Variants in EIF4G3 observed in about 807,000 individuals in gnomAD.
EIF4G3 encodes eIF-4-gamma 3.
In EIF4G3, 34 loss-of-function variants were observed where a neutral mutation model predicts 186.4. The ratio of observed to expected loss-of-function variants is 0.18; its 90% CI spans 0.14 to 0.24. The LOEUF (loss-of-function observed/expected upper bound fraction) is 0.24, where lower values mean the gene tolerates loss of function less well. EIF4G3 is among the 10% of genes least tolerant of loss of function. The probability of loss-of-function intolerance (pLI) is 1.00; values close to 1 mark genes in which losing one functional copy is unlikely to be tolerated. For synonymous variants in EIF4G3, 673 were observed against 679.5 expected (o/e 0.99, Z 0.15); for missense variants, 1,536 against 1,948.5 (o/e 0.79, Z 3.99).
rs537540473 is a variant in EIF4G3, at chr1:20,840,031, G to A, written c.4061+825C>T. The stretch of plus-strand genomic sequence containing the variant: ...ATGTTAATCCAATGTCCAGACCTTA[G>A]GAGATCCTAGTTGCTATTCCCTTAG... On this transcript the variant is annotated intron_variant, in intron 30 of 36. Transcript: ENST00000602326. Among the ~76,000 whole-genome samples, 6 of 152,254 alleles carry A rather than the reference G, an allele frequency of 3.9e-5. No individual in the cohort carries two copies. In the South Asian group the frequency reaches 1.2e-3, roughly 32 times the overall value.
chr1:21,118,804 A>T (rs1362331437), intron 2 of EIF4G3, among the ~76,000 whole-genome samples: 2 of 151,428 alleles, frequency 1.3e-5, no homozygotes, highest in African/African-American at 4.8e-5. Context: ...AAAAAAAAGA[A>T]ACAGAAATGC....
intron 2 of EIF4G3, among the ~76,000 whole-genome samples, chr1:21,134,655 T>A (rs995223578): frequency 6.6e-6 from 1 of 151,950 alleles, no homozygotes; most frequent in Non-Finnish European, 1.5e-5. Flanking sequence ...GACGACCGAG[T>A]GAGACTCCAT....
chr1:20,931,025 G>A (rs1255018861), intron 14 of EIF4G3, among the ~76,000 whole-genome samples: 1 of 151,658 alleles, frequency 6.6e-6, no homozygotes, highest in Non-Finnish European at 1.5e-5. Flanking sequence ...ATGGCATCTA[G>A]AATGCTGAAA....
At chr1:21,141,826 G>C (rs1436626868) in intron 2 of EIF4G3, among the ~76,000 whole-genome samples, 1 of 151,942 alleles carries the variant, frequency 6.6e-6, no homozygotes, top group Admixed American at 6.6e-5. Context: ...AGCTACTAGA[G>C]AGGTTGAAGG....
At chr1:20,823,929 AAGTTG>A (rs2063000607) in intron 33 of EIF4G3, among the ~76,000 whole-genome samples, 1 of 152,178 alleles carries the variant, frequency 6.6e-6, no homozygotes, top group South Asian at 2.1e-4. Flanking sequence ...AAGGGGACCT[AAGTTG>A]AGGATGTTTC....
intron 12 of EIF4G3, among the ~76,000 whole-genome samples, chr1:20,957,318 T>A (rs1039083232): frequency 2.0e-5 from 3 of 151,870 alleles, no homozygotes; most frequent in Non-Finnish European, 4.4e-5. Context: ...GAAATCAAGA[T>A]GGAAAAATTA....
At chr1:21,044,250 A>G (rs2093746539) in intron 4 of EIF4G3, among the ~76,000 whole-genome samples, 1 of 152,144 alleles carries the variant, frequency 6.6e-6, no homozygotes, top group Non-Finnish European at 1.5e-5. Flanking sequence ...GTCAACAAAT[A>G]TTGTCATTAA....
At chr1:21,161,164 C>G (rs2097760879) in intron 2 of EIF4G3, among the ~76,000 whole-genome samples, 1 of 150,080 alleles carries the variant, frequency 6.7e-6, no homozygotes, top group South Asian at 2.1e-4. Flanking sequence ...GAGAGAGACT[C>G]CATCTCATAA....
intron 14 of EIF4G3, among the ~76,000 whole-genome samples, chr1:20,925,292 T>C (rs868247461): frequency 6.6e-6 from 1 of 152,216 alleles, no homozygotes; most frequent in African/African-American, 2.4e-5. Context: ...TATAATATCA[T>C]GTCAAAGGGA....
At chr1:21,120,574 C>T (rs993096492) in intron 2 of EIF4G3, among the ~76,000 whole-genome samples, 1 of 145,842 alleles carries the variant, frequency 6.9e-6, no homozygotes, top group Non-Finnish European at 1.5e-5. Flanking sequence ...TGCAGCGAGC[C>T]GAGATCACTA....
intron 2 of EIF4G3, chr1:21,161,657 CCAGT>C (rs1381028821): frequency 6.6e-6 from 1 of 152,112 alleles, no homozygotes. Flanking sequence ...AGAGATTCAA[CCAGT>C]CAGTGTAAAA....
chr1:20,984,892 T>C (rs1050402606), intron 7 of EIF4G3, among the ~76,000 whole-genome samples: 14 of 152,164 alleles, frequency 9.2e-5, no homozygotes, highest in African/African-American at 3.1e-4. Flanking sequence ...CCAGTCAACA[T>C]ATATGTTAAC....
intron 7 of EIF4G3, among the ~76,000 whole-genome samples, chr1:20,989,882 TAAAG>T (rs1287095927): frequency 6.6e-6 from 1 of 151,988 alleles, no homozygotes; most frequent in Non-Finnish European, 1.5e-5. Context: ...TTTCATGAAA[TAAAG>T]AGTCCACTGG....
At chr1:20,917,063 G>C (rs965407561) in intron 14 of EIF4G3, among the ~76,000 whole-genome samples, 1 of 152,004 alleles carries the variant, frequency 6.6e-6, no homozygotes, top group South Asian at 2.1e-4. Flanking sequence ...AACTTTATTT[G>C]TAATAGCCCC....
In EIF4G3 at chr1:21,142,911, T is replaced by C. The variant is rs112573690; in HGVS notation, c.-272+33264A>G. Among the ~76,000 whole-genome samples the C allele has an allele frequency of 6.9e-3, 1,049 of 152,202 alleles. 10 individuals are homozygous for C. Among genetic ancestry groups the C allele is most frequent in the African/African-American group, 0.024 (1,004 of 41,530 alleles). ...CATTTCCAAAAAATGGAAATAGATA[T>C]CTATTACTGAAACATAAAACTGTTA... On this transcript the variant is annotated intron_variant, in intron 2 of 36. Coordinates refer to ENST00000602326, the MANE Select transcript of EIF4G3 (RefSeq NM_001391906.1).
chr1:21,029,993 C>T (rs2092591686), intron 4 of EIF4G3, among the ~76,000 whole-genome samples: 1 of 152,124 alleles, frequency 6.6e-6, no homozygotes, highest in South Asian at 2.1e-4. Flanking sequence ...GTAGCTGAGA[C>T]TACAGGTGTA....
At chr1:21,162,323 C>T (rs1008980414) in intron 2 of EIF4G3, among the ~76,000 whole-genome samples, 2 of 151,914 alleles carry the variant, frequency 1.3e-5, no homozygotes, top group East Asian at 1.9e-4. Flanking sequence ...GTGGTGGGTA[C>T]CTGTAATCCC....
chr1:21,160,113 A>AG (rs938316052), intron 2 of EIF4G3, among the ~76,000 whole-genome samples: 2 of 151,958 alleles, frequency 1.3e-5, no homozygotes, highest in African/African-American at 4.8e-5. Flanking sequence ...ATCTCAAAAA[A>AG]AAAAAAAAAA....
rs1439518833 is a variant in EIF4G3, at chr1:21,050,885, G to A, written c.-86C>T. 2 of 710,506 alleles carry A rather than the reference G, an allele frequency of 2.8e-6. No homozygotes were observed. Among genetic ancestry groups the A allele is most frequent in the Admixed American group, 2.1e-5 (1 of 47,682 alleles). 44.0% of individuals were successfully genotyped at this position (710,506 alleles called of 1,614,324 possible). ...TCTTACTTGAGAGAGTCCAGGGGAC[G>A]ATGCATGTCCCGGGGGCGTTGCCGC... On this transcript the variant is annotated 5_prime_UTR_variant, in exon 4 of 37. Transcript: ENST00000602326.
Sources: allele counts gnomAD v4.1 joint callset (sites outside exome capture counted in the v4.1 genomes callset), GRCh38; gene constraint gnomAD v4.1.1; transcripts MANE v1.5; gene names NCBI Gene and HGNC (gene_info 2026-07-23, HGNC 2026-07-21).